SLAIN1: variants seen among roughly 807,000 people sequenced by gnomAD.
SLAIN1 encodes the protein SLAIN family member 1, also known as SLAIN motif-containing protein 1.
Under a neutral mutation model 55.4 loss-of-function variants are expected in SLAIN1, and 17 were observed. The ratio of observed to expected loss-of-function variants is 0.31; its 90% CI spans 0.21 to 0.46. The LOEUF (loss-of-function observed/expected upper bound fraction) is 0.46. SLAIN1 is among the 20% of genes least tolerant of loss of function. SLAIN1 has a pLI of 1.00. For missense variants in SLAIN1, 682 were observed against 785.1 expected (o/e 0.87, Z 1.57); for synonymous variants, 348 against 337.4 (o/e 1.03, Z -0.35).
intron 2 of SLAIN1, among the ~76,000 whole-genome samples, chr13:77,722,893 C>T (rs1320520875): frequency 1.3e-5 from 2 of 152,026 alleles, no homozygotes; most frequent in Non-Finnish European, 2.9e-5. Context: ...ATTACAGGTA[C>T]ACGCAACCAC....
At chr13:77,706,296 T>G (rs2091089528) in intron 1 of SLAIN1, among the ~76,000 whole-genome samples, 1 of 152,250 alleles carries the variant, frequency 6.6e-6, no homozygotes, top group Middle Eastern at 3.4e-3. Context: ...TGCATTATGA[T>G]TATAATTTAC....
At chr13:77,731,039 C>A (rs1185434296) in intron 2 of SLAIN1, among the ~76,000 whole-genome samples, 1 of 151,844 alleles carries the variant, frequency 6.6e-6, no homozygotes, top group Non-Finnish European at 1.5e-5. Context: ...GAAGACAGAC[C>A]CAGAACCTCT....
At chr13:77,757,680 C>T (rs554885228) in intron 5 of SLAIN1, among the ~76,000 whole-genome samples, 5 of 152,160 alleles carry the variant, frequency 3.3e-5, no homozygotes, top group African/African-American at 1.2e-4. Flanking sequence ...AGAGAACATA[C>T]GATATTTACT....
intron 6 of SLAIN1, among the ~76,000 whole-genome samples, chr13:77,761,488 G>T (rs927558689): frequency 1.3e-5 from 2 of 152,182 alleles, no homozygotes; most frequent in African/African-American, 4.8e-5. Flanking sequence ...TAGGGCGGGG[G>T]GAGGTTGACT....
chr13:77,735,823 C>T (rs773447582), intron 2 of SLAIN1, among the ~76,000 whole-genome samples: 9 of 152,008 alleles, frequency 5.9e-5, no homozygotes, highest in Non-Finnish European at 8.8e-5. Context: ...TGGACACAGC[C>T]TTCCAGACCC....
chr13:77,711,738 A>T (rs182536204), intron 1 of SLAIN1, among the ~76,000 whole-genome samples: 64 of 152,312 alleles, frequency 4.2e-4, no homozygotes, highest in African/African-American at 1.5e-3. Context: ...GACCAGCATC[A>T]TCCTGATACC....
intron 2 of SLAIN1, among the ~76,000 whole-genome samples, chr13:77,721,464 T>C (rs911790871): frequency 1.3e-5 from 2 of 152,204 alleles, no homozygotes; most frequent in African/African-American, 4.8e-5. Flanking sequence ...AGACCATTCC[T>C]AAGCCTCCTT....
chr13:77,706,073 C>G (rs1555275486), intron 1 of SLAIN1, among the ~76,000 whole-genome samples: 1 of 152,090 alleles, frequency 6.6e-6, no homozygotes, highest in Non-Finnish European at 1.5e-5. Context: ...GTCCTCTACT[C>G]CCTCCTCCTG....
At chr13:77,745,441 A>G (rs1698187846) in intron 3 of SLAIN1, among the ~76,000 whole-genome samples, 1 of 152,040 alleles carries the variant, frequency 6.6e-6, no homozygotes, top group African/African-American at 2.4e-5. Context: ...ATGCATTGAC[A>G]TACTTCTCCA....
At chr13:77,761,329 A>G (rs1875004142) in intron 6 of SLAIN1, among the ~76,000 whole-genome samples, 1 of 151,930 alleles carries the variant, frequency 6.6e-6, no homozygotes, top group Non-Finnish European at 1.5e-5. Flanking sequence ...CCTCATCACT[A>G]TCACTCCTAA....
chr13:77,697,954 G>T lies in SLAIN1; in HGVS notation c.41G>T (p.Ser14Ile). 6.9e-7 allele frequency: 1 copy of T among 1,446,726 alleles called. No homozygotes were observed. The allele number at this position is 1,446,726 out of a possible 1,614,324, so 89.6% of individuals were successfully genotyped here. A position where few individuals can be genotyped will look rare whatever the true frequency, so the allele number is the denominator to read the frequency against. Reference sequence around the variant, plus strand: ...GTGAAATGCGCCTCGGCAGGGGTCAGCTCTGGAGCGGGCTCCGGGCCGGTG... The same window carrying T: ...GTGAAATGCGCCTCGGCAGGGGTCATCTCTGGAGCGGGCTCCGGGCCGGTG... ...EQVKCASAGV[S>I]SGAGSGPVVN... Residue 14 changes from serine (S) to isoleucine (I), a missense_variant, in exon 1 of 7, where the codon AGC becomes ATC. Coordinates refer to ENST00000418532, the MANE Select transcript of SLAIN1 (RefSeq NM_001242868.2).
intron 1 of SLAIN1, among the ~76,000 whole-genome samples, chr13:77,704,253 T>G (rs566080092): frequency 7.1e-6 from 1 of 141,094 alleles, no homozygotes; most frequent in Non-Finnish European, 1.6e-5. Context: ...TATGTACATA[T>G]GTTTTATATG....
chr13:77,727,407 T>A (rs2091316837), intron 2 of SLAIN1, among the ~76,000 whole-genome samples: 2 of 151,260 alleles, frequency 1.3e-5, no homozygotes, highest in Non-Finnish European at 2.9e-5. Flanking sequence ...GATTGACTAA[T>A]TTGAGTATGT....
Position 77,697,890 on chromosome 13 carries a change from G to T in SLAIN1, c.-24G>T. On this transcript the variant is annotated 5_prime_UTR_variant, in exon 1 of 7. Coordinates refer to ENST00000418532, the MANE Select transcript of SLAIN1 (RefSeq NM_001242868.2). ...GCGCGGCGGCGCGCACTCCCCGGCG[G>T]CCGCGGCGCCCTCGGGGCCCACGAT... The T allele has an allele frequency of 7.5e-7, 1 of 1,337,258 alleles. No homozygotes were observed. The highest frequency in any genetic ancestry group is 9.6e-7 in the Non-Finnish European group (1 of 1,040,042). The allele number at this position is 1,337,258 out of a possible 1,614,324, so 82.8% of individuals were successfully genotyped here.
chr13:77,720,181 T>TA (rs1233781448), intron 2 of SLAIN1, among the ~76,000 whole-genome samples: 2 of 152,066 alleles, frequency 1.3e-5, no homozygotes, highest in African/African-American at 4.8e-5. Context: ...AGTTTAAATT[T>TA]AAAAAAAGGG....
chr13:77,748,631 G>A (rs547456333), intron 4 of SLAIN1, among the ~76,000 whole-genome samples: 2 of 152,218 alleles, frequency 1.3e-5, no homozygotes, highest in African/African-American at 4.8e-5. Context: ...GGAAAGTGGA[G>A]ACATATCACA....
chr13:77,759,635 G>A (rs534938855), intron 5 of SLAIN1, among the ~76,000 whole-genome samples: 3 of 152,174 alleles, frequency 2.0e-5, no homozygotes, highest in African/African-American at 7.2e-5. Flanking sequence ...GTTTTGTTGA[G>A]GGTTTTTATC....
intron 4 of SLAIN1, among the ~76,000 whole-genome samples, chr13:77,747,587 T>A (rs1341471728): frequency 6.6e-6 from 1 of 152,026 alleles, no homozygotes; most frequent in East Asian, 1.9e-4. Context: ...TAGCACAGAG[T>A]GAGGTTGTAA....
At chr13:77,741,713 C>T (rs1594282541) in intron 2 of SLAIN1, 1 of 139,646 alleles carries the variant, frequency 7.2e-6, no homozygotes. Flanking sequence ...CAGTTTGGAG[C>T]TGATTATTTT....
Sources: allele counts gnomAD v4.1 joint callset (sites outside exome capture counted in the v4.1 genomes callset), GRCh38; gene constraint gnomAD v4.1.1; transcripts MANE v1.5; gene names NCBI Gene and HGNC (gene_info 2026-07-23, HGNC 2026-07-21).